TNFRSF19: variants seen among roughly 807,000 people sequenced by gnomAD.
TNFRSF19 encodes tumor necrosis factor receptor superfamily member 19.
In TNFRSF19, 27 loss-of-function variants were observed where a neutral mutation model predicts 46.4. That is an observed-to-expected ratio of 0.58 (90% CI 0.43 to 0.80). The LOEUF (loss-of-function observed/expected upper bound fraction) is 0.80, where lower values mean the gene tolerates loss of function less well. Among genes scored for constraint, TNFRSF19 ranks in the 30% least tolerant of loss-of-function variants. The probability of loss-of-function intolerance (pLI) is 0.00; values close to 1 mark genes in which losing one functional copy is unlikely to be tolerated. For synonymous variants in TNFRSF19, 204 were observed against 205.0 expected, an observed-to-expected ratio of 1.00 and a Z score of 0.04; for missense variants, 511 against 530.8, an observed-to-expected ratio of 0.96 and a Z score of 0.37.
At chr13:23,653,190 G>A (rs1322557339) in intron 5 of TNFRSF19, among the ~76,000 whole-genome samples, 1 of 152,162 alleles carries the variant, frequency 6.6e-6, no homozygotes, top group African/African-American at 2.4e-5. Context: ...GCAAGTCTAG[G>A]TCAAGCAATG....
chr13:23,622,769 A>G (rs191568815), intron 4 of TNFRSF19, among the ~76,000 whole-genome samples: 2 of 152,280 alleles, frequency 1.3e-5, no homozygotes, highest in East Asian at 3.9e-4. Context: ...GTTTTTATGT[A>G]TAAAACACTA....
At chr13:23,572,513 C>G (rs1566154312) in intron 1 of TNFRSF19, among the ~76,000 whole-genome samples, 1 of 152,094 alleles carries the variant, frequency 6.6e-6, no homozygotes, top group Non-Finnish European at 1.5e-5. Context: ...TTTAAAATGA[C>G]TGTTTATCCT....
At chr13:23,575,139 G>A (rs79913740) in intron 1 of TNFRSF19, among the ~76,000 whole-genome samples, 1,639 of 152,272 alleles carry the variant, frequency 0.011, 40 homozygotes, top group East Asian at 0.09. Flanking sequence ...GCCCTAGGTC[G>A]GGGAGTCCAC....
chr13:23,635,518 A>G (rs796205880), intron 5 of TNFRSF19, among the ~76,000 whole-genome samples: 17 of 152,180 alleles, frequency 1.1e-4, no homozygotes, highest in African/African-American at 4.1e-4. Flanking sequence ...AGCTGGGATT[A>G]CAGGTGTGTG....
Position 23,668,744 on chromosome 13 carries a change from C to G in TNFRSF19, c.892C>G (p.Gln298Glu). 1 of 1,614,242 alleles carries G rather than the reference C, an allele frequency of 6.2e-7. No homozygotes were observed. The highest frequency in any genetic ancestry group is 1.1e-5 in the South Asian group (1 of 91,084). The change falls in exon 9 of 10, where the codon CAG becomes GAG. Residue 298 changes from glutamine (Q) to glutamate (E), a missense_variant. Transcript: ENST00000248484. ...GCCGACTTTCTTCGGATCCCTCACG[C>G]AGTCCATCTGTGGCGAGTTTTCAGA... ...MVPTFFGSLT[Q>E]SICGEFSDAW...
intron 1 of TNFRSF19, among the ~76,000 whole-genome samples, chr13:23,574,259 T>C (rs1164442629): frequency 6.6e-6 from 1 of 152,054 alleles, no homozygotes; most frequent in Non-Finnish European, 1.5e-5. Context: ...AATTCACTCA[T>C]TATCAATTAA....
chr13:23,667,708 A>T (rs1565955379), intron 7 of TNFRSF19, among the ~76,000 whole-genome samples: 1 of 152,074 alleles, frequency 6.6e-6, no homozygotes, highest in Non-Finnish European at 1.5e-5. Context: ...CTCTGTCTCC[A>T]TTAAACAGCA....
intron 7 of TNFRSF19, among the ~76,000 whole-genome samples, chr13:23,664,360 A>G (rs1951581528): frequency 1.3e-5 from 2 of 152,064 alleles, no homozygotes; most frequent in Non-Finnish European, 1.5e-5. Context: ...TGGTCTGAGC[A>G]TGTGTTTAGT....
intron 5 of TNFRSF19, among the ~76,000 whole-genome samples, chr13:23,650,486 A>T (rs1006125606): frequency 6.6e-6 from 1 of 152,254 alleles, no homozygotes; most frequent in Non-Finnish European, 1.5e-5. Flanking sequence ...AAGAAGCCAG[A>T]CATAAAAGGC....
At chr13:23,580,590 A>T (rs145566674) in intron 1 of TNFRSF19, among the ~76,000 whole-genome samples, 8 of 152,358 alleles carry the variant, frequency 5.3e-5, no homozygotes, top group African/African-American at 1.9e-4. Flanking sequence ...CGTTTTTGCC[A>T]ACACTGCTTT....
intron 2 of TNFRSF19, among the ~76,000 whole-genome samples, chr13:23,591,712 TTTTC>T (rs199602587): frequency 2.5e-4 from 35 of 138,884 alleles, no homozygotes; most frequent in East Asian, 2.1e-3. Context: ...GCCTTAAAAA[TTTTC>T]TTTCTTTCTT....
chr13:23,645,125 T>C (rs1016692698), intron 5 of TNFRSF19, among the ~76,000 whole-genome samples: 1 of 152,248 alleles, frequency 6.6e-6, no homozygotes, highest in Non-Finnish European at 1.5e-5. Context: ...ATTAATTTTT[T>C]AAAAATCACC....
chr13:23,591,574 A>G (rs1280197456), intron 2 of TNFRSF19, among the ~76,000 whole-genome samples: 1 of 152,152 alleles, frequency 6.6e-6, no homozygotes, highest in Non-Finnish European at 1.5e-5. Flanking sequence ...ATAATGGTCT[A>G]AGAGGAAGGT....
At position 23,637,645 on chromosome 13, in the gene TNFRSF19, G is replaced by A. The variant is rs918228577; in HGVS notation, c.445+10853G>A. On this transcript the variant is annotated intron_variant, in intron 5 of 9. Transcript: ENST00000248484. Reference sequence around the variant, plus strand: ...TAGACTCAAACAACCATACCAAACTGTGCACAGATATACATTTTTTTCTTA... The same window carrying A: ...TAGACTCAAACAACCATACCAAACTATGCACAGATATACATTTTTTTCTTA... Among the ~76,000 whole-genome samples, 7 of 152,076 alleles carry A rather than the reference G, an allele frequency of 4.6e-5. 1 individual carries two copies. The highest frequency in any genetic ancestry group is 5.9e-5 in the Non-Finnish European group (4 of 67,928).
At chr13:23,616,576 G>GTTTGT (rs571410238) in intron 4 of TNFRSF19, among the ~76,000 whole-genome samples, 6,263 of 106,178 alleles carry the variant, frequency 0.059, 463 homozygotes, top group African/African-American at 0.16. Context: ...TTGTTTGTTT[G>GTTTGT]TTTGTTTTGT....
At chr13:23,583,003 A>G (rs949961327) in intron 1 of TNFRSF19, among the ~76,000 whole-genome samples, 1 of 152,208 alleles carries the variant, frequency 6.6e-6, no homozygotes, top group African/African-American at 2.4e-5. Flanking sequence ...TTTAGCTATT[A>G]TATATAAAAC....
rs768372160 is a variant in TNFRSF19, at chr13:23,593,464, G to T, written c.180+9G>T. On this transcript the variant is annotated intron_variant, in intron 3 of 9. Transcript: ENST00000248484. ...GCATGGAGTTGTCTAAGGTATATTG[G>T]ATACATGGCAAAGTTGTGTATCTGT... 6.4e-7 allele frequency: 1 copy of T among 1,566,298 alleles called. No individual in the cohort carries two copies. The highest frequency in any genetic ancestry group is 1.8e-5 in the Admixed American group (1 of 54,126).
intron 4 of TNFRSF19, among the ~76,000 whole-genome samples, chr13:23,623,484 T>G (rs143574818): frequency 6.6e-6 from 1 of 152,190 alleles, no homozygotes. Flanking sequence ...ATTGCTGGAT[T>G]ATATGGTAGT....
chr13:23,636,576 C>T lies in TNFRSF19; in HGVS notation c.445+9784C>T, dbSNP rs77262668. ...CCCAGTTCTCAGGGAGTTAAGATTC[C>T]GATGCTGCAGGGCAGAGCTATTATT... On this transcript the variant is annotated intron_variant, in intron 5 of 9. Transcript: ENST00000248484. Among the ~76,000 whole-genome samples, 714 of 152,244 alleles carry T rather than the reference C, an allele frequency of 4.7e-3. 3 individuals carry two copies. The highest frequency in any genetic ancestry group is 0.016 in the African/African-American group (683 of 41,538).
Sources: allele counts gnomAD v4.1 joint callset (sites outside exome capture counted in the v4.1 genomes callset), GRCh38; gene constraint gnomAD v4.1.1; transcripts MANE v1.5; gene names NCBI Gene and HGNC (gene_info 2026-07-23, HGNC 2026-07-21).